TDRD1: variants seen among roughly 807,000 people sequenced by gnomAD.
The protein encoded by TDRD1 is tudor domain-containing protein 1.
In TDRD1, 37 loss-of-function variants were observed where a neutral mutation model predicts 140.6. The observed-to-expected ratio is 0.26, with a 90% CI of 0.20 to 0.35. The LOEUF is 0.35. Among genes scored for constraint, TDRD1 ranks in the 10% least tolerant of loss-of-function variants. The pLI is 1.00. For missense variants in TDRD1, 1,243 were observed against 1,393.0 expected (o/e 0.89, Z 1.71); for synonymous variants, 506 against 475.7 (o/e 1.06, Z -0.83).
rs936101367 is a variant in TDRD1 at position 114,213,595 on chromosome 10, C to A, written c.2074+7C>A. The A allele has an allele frequency of 5.0e-6, 8 of 1,611,984 alleles. No homozygotes were observed. Among genetic ancestry groups the A allele is most frequent in the South Asian group, 1.1e-5 (1 of 90,788 alleles). On this transcript the variant is annotated splice_region_variant and intron_variant, in intron 15 of 25. Coordinates refer to ENST00000251864, the Ensembl canonical transcript of TDRD1. The stretch of plus-strand genomic sequence containing the variant: ...GACGTGAAAGAAACCAGTGGTAAGT[C>A]AAATGTTTACTGGATAATGCCTGTT...
At chr10:114,203,496 G>A in exon 8 of TDRD1, 3 of 1,613,852 alleles carry the variant, frequency 1.9e-6, no homozygotes, top group Non-Finnish European at 2.5e-6. Context: ...AGAAACATAT[G>A]CAAATGTGCA....
At chr10:114,207,930 T>G (rs1168087497) in intron 11 of TDRD1, among the ~76,000 whole-genome samples, 2 of 151,506 alleles carry the variant, frequency 1.3e-5, no homozygotes, top group Non-Finnish European at 2.9e-5. Flanking sequence ...ATAGAGAAAT[T>G]AGGTGTGATA....
chr10:114,232,254 A>G (rs2036793839), exon 26 of TDRD1: 2 of 151,634 alleles, frequency 1.3e-5, no homozygotes, highest in Admixed American at 1.3e-4. Flanking sequence ...TTGTTGTTAT[A>G]GATAGAATTT....
At chr10:114,232,607 G>A (rs891467515), downstream of TDRD1, among the ~76,000 whole-genome samples, 2 of 141,016 alleles carry the variant, frequency 1.4e-5, no homozygotes, top group South Asian at 2.3e-4. Context: ...AAACACTGAT[G>A]TGCTTCTGTT....
At chr10:114,218,476 C>T (rs2035948547) in exon 18 of TDRD1, 1 of 1,611,466 alleles carries the variant, frequency 6.2e-7, no homozygotes, top group East Asian at 2.2e-5. Context: ...TGTTAAAGTA[C>T]ATTTTGTGGA....
chr10:114,177,968 G>A (rs1271334085), upstream of TDRD1, among the ~76,000 whole-genome samples: 2 of 151,312 alleles, frequency 1.3e-5, no homozygotes, highest in Non-Finnish European at 2.9e-5. Flanking sequence ...AAGTAGCTGG[G>A]ATTACAGGCG....
chr10:114,231,329 TATG>T (rs2036743626), intron 25 of TDRD1, among the ~76,000 whole-genome samples: 2 of 152,216 alleles, frequency 1.3e-5, no homozygotes, highest in South Asian at 4.1e-4. Flanking sequence ...TATGCTATGT[TATG>T]GTGGTCATTA....
intron 6 of TDRD1, 91 bp from the exon 7 acceptor site, chr10:114,202,981 A>G: frequency 1.2e-6 from 1 of 811,940 alleles, no homozygotes; most frequent in Non-Finnish European, 2.1e-6. Flanking sequence ...GAGTTAGGAT[A>G]TTGTGACTGC....
At position 114,222,765 on chromosome 10, in the gene TDRD1, T is replaced by C. The variant is rs190783317; in HGVS notation, c.3007+62T>C. ...ATTTAGTCTGTTTTGTTCTACATGA[T>C]ACTATGTAGATTTTGGTATTTTAGC... On this transcript the variant is annotated intron_variant, in intron 21 of 25. Coordinates refer to ENST00000251864, the Ensembl canonical transcript of TDRD1. 28 of 952,456 alleles carry C rather than the reference T, an allele frequency of 2.9e-5. No individual in the cohort carries two copies. In the African/African-American group the frequency reaches 4.5e-4, roughly 15 times the overall value. 59.0% of individuals were successfully genotyped at this position (952,456 alleles called of 1,614,324 possible).
intron 11 of TDRD1, among the ~76,000 whole-genome samples, 173 bp from the exon 12 acceptor site, chr10:114,210,408 A>G (rs762537172): frequency 1.3e-5 from 2 of 152,202 alleles, no homozygotes; most frequent in Non-Finnish European, 2.9e-5. Context: ...AACTGAGCTT[A>G]TTATAAACAT....
intron 19 of TDRD1, 79 bp downstream of exon 19, chr10:114,220,922 A>G (rs2036104637): frequency 2.0e-6 from 2 of 979,920 alleles, no homozygotes; most frequent in East Asian, 2.4e-5. Context: ...TCCATCATAA[A>G]TGACAGTTTT....
At chr10:114,229,652 A>G (rs2036640700) in intron 25 of TDRD1, among the ~76,000 whole-genome samples, 1 of 144,956 alleles carries the variant, frequency 6.9e-6, no homozygotes, top group Non-Finnish European at 1.5e-5. Flanking sequence ...AGGTTCACGC[A>G]ATTCTCCCAC....
At chr10:114,203,507 T>A (rs199592153) in exon 8 of TDRD1, 2 of 1,613,638 alleles carry the variant, frequency 1.2e-6, no homozygotes, top group Admixed American at 3.3e-5. Flanking sequence ...CAAATGTGCA[T>A]GAAAAAGACT....
At chr10:114,202,999 A>T in intron 6 of TDRD1, 73 bp from the exon 7 acceptor site, 1 of 964,590 alleles carries the variant, frequency 1.0e-6, no homozygotes, top group Non-Finnish European at 1.7e-6. Flanking sequence ...TGCAGTTCCG[A>T]CGTGTAGTGG....
At chr10:114,230,083 G>A (rs1253666736) in intron 25 of TDRD1, among the ~76,000 whole-genome samples, 4 of 152,086 alleles carry the variant, frequency 2.6e-5, no homozygotes, top group South Asian at 2.1e-4. Context: ...TGCCCTCCTC[G>A]GCCTCCCAAA....
intron 3 of TDRD1, among the ~76,000 whole-genome samples, chr10:114,198,815 G>A (rs549262693): frequency 6.6e-5 from 10 of 152,180 alleles, no homozygotes; most frequent in East Asian, 1.9e-4. Context: ...CACGACACCC[G>A]GCTAGAGAGC....
intron 9 of TDRD1, 56 bp downstream of exon 9, chr10:114,204,272 A>C (rs986366354): frequency 6.6e-7 from 1 of 1,516,668 alleles, no homozygotes; most frequent in East Asian, 2.3e-5. Flanking sequence ...GCTGTTGTCA[A>C]TGTTTTGATG....
At chr10:114,230,500 G>T (rs991931298) in intron 25 of TDRD1, among the ~76,000 whole-genome samples, 2 of 152,180 alleles carry the variant, frequency 1.3e-5, no homozygotes, top group Non-Finnish European at 2.9e-5. Flanking sequence ...TAAGGAAGCT[G>T]AGGCTCAGAG....
intron 1 of TDRD1, among the ~76,000 whole-genome samples, chr10:114,182,372 G>A (rs910537647): frequency 6.6e-6 from 1 of 152,324 alleles, no homozygotes; most frequent in Non-Finnish European, 1.5e-5. Flanking sequence ...AATAGGGTGA[G>A]TCCTTCAAAC....
Sources: allele counts gnomAD v4.1 joint callset (sites outside exome capture counted in the v4.1 genomes callset), GRCh38; gene constraint gnomAD v4.1.1; transcripts MANE v1.5; gene names NCBI Gene and HGNC (gene_info 2026-07-23, HGNC 2026-07-21).